PADI1: variants seen among roughly 807,000 people sequenced by gnomAD.
PADI1 encodes the protein protein-arginine deiminase type-1.
Under a neutral mutation model 74.8 loss-of-function variants are expected in PADI1, and 65 were observed. The observed-to-expected ratio is 0.87, with a 90% CI of 0.71 to 1.07. The LOEUF (loss-of-function observed/expected upper bound fraction) is 1.07. Among genes scored for constraint, PADI1 ranks in the 50% least tolerant of loss-of-function variants. PADI1 has a pLI of 0.00. For missense variants in PADI1, 943 were observed against 854.0 expected, an observed-to-expected ratio of 1.10 and a Z score of -1.30; for synonymous variants, 371 against 336.2, an observed-to-expected ratio of 1.10 and a Z score of -1.13.
In PADI1 at chr1:17,230,257, G is replaced by A. The variant is rs201324716; in HGVS notation, c.1053+49G>A. On this transcript the variant is annotated intron_variant, in intron 9 of 15. Transcript: ENST00000375471. ...AAGCCTGCAGCCTGGCTTGGGGAAA[G>A]GGAAGCCGCACAGGTGCCTGATGGA... The A allele has an allele frequency of 3.8e-4, 599 of 1,591,666 alleles. 1 individual carries two copies. The highest frequency in any genetic ancestry group is 2.5e-3 in the Middle Eastern group (15 of 5,908).
intron 15 of PADI1, among the ~76,000 whole-genome samples, chr1:17,241,162 C>A (rs1174248115): frequency 6.6e-6 from 1 of 152,244 alleles, no homozygotes; most frequent in African/African-American, 2.4e-5. Flanking sequence ...CAGCCCCTCG[C>A]TTGCTGCTCC....
intron 4 of PADI1, among the ~76,000 whole-genome samples, chr1:17,225,569 G>T (rs2072284388): frequency 6.6e-6 from 1 of 152,092 alleles, no homozygotes; most frequent in African/African-American, 2.4e-5. Flanking sequence ...TGCTTCTCCA[G>T]TGTGATGGCT....
rs758677258 is a variant in PADI1 at position 17,244,322 on chromosome 1, C to A, written c.*79C>A. 3 of 1,063,646 alleles carry A rather than the reference C, an allele frequency of 2.8e-6. No homozygotes were observed. The highest frequency in any genetic ancestry group is 2.9e-6 in the Non-Finnish European group (2 of 682,918). 65.9% of individuals were successfully genotyped at this position (1,063,646 alleles called of 1,614,324 possible). ...GTGAAGGCAAGGAACAACCACCTGG[C>A]CTCCATTCTCTTGGGGGAGTCTTGG... On this transcript the variant is annotated 3_prime_UTR_variant, in exon 16 of 16. Coordinates refer to ENST00000375471, the MANE Select transcript of PADI1 (RefSeq NM_013358.3).
chr1:17,210,761 A>T (rs1351105754), intron 1 of PADI1, among the ~76,000 whole-genome samples: 1 of 152,190 alleles, frequency 6.6e-6, no homozygotes, highest in African/African-American at 2.4e-5. Flanking sequence ...AACCTCCAGC[A>T]GCCCCAGCCA....
rs571930163 is a variant in PADI1, at chr1:17,232,875, T to C, written c.1218T>C (p.Leu406=). The C allele has an allele frequency of 1.5e-5, 25 of 1,613,678 alleles. No individual in the cohort carries two copies. Among genetic ancestry groups the C allele is most frequent in the Non-Finnish European group, 1.9e-5 (23 of 1,179,976 alleles). Residue 406 remains leucine (L), a synonymous_variant, in exon 11 of 16, where the codon CTT becomes CTC. Coordinates refer to ENST00000375471, the MANE Select transcript of PADI1 (RefSeq NM_013358.3). The part of the protein sequence containing the change: ...REIPLPGPSS[L]DSFGNLDVSP... The stretch of plus-strand genomic sequence containing the variant: ...TCCCGCTCCCTGGTCCCTCCAGCCT[T>C]GACTCCTTCGGCAACCTGGACGTCA...
chr1:17,210,584 T>C lies in PADI1; in HGVS notation c.92+5275T>C, dbSNP rs113321696. Among the ~76,000 whole-genome samples, 550 of 152,164 alleles carry C rather than the reference T, an allele frequency of 3.6e-3. 3 individuals carry two copies. The highest frequency in any genetic ancestry group is 8.6e-3 in the African/African-American group (356 of 41,538). On this transcript the variant is annotated intron_variant, in intron 1 of 15. Coordinates refer to ENST00000375471, the MANE Select transcript of PADI1 (RefSeq NM_013358.3). ...GCCTGCGCCCTCAGCCTGGGCTCTC[T>C]GGGCGTGCCCCTCCCCAAGCAATGA...
In PADI1 at chr1:17,228,676, C is replaced by T. The variant is rs536659144; in HGVS notation, c.704C>T (p.Ser235Phe). ...YKQVLGPQCL[S>F]YEVERQPGEQ... ...CAGGTGCTGGGGCCCCAGTGTCTGT[C>T]CTATGAAGTTGAGCGACAGCCAGGG... Residue 235 changes from serine to phenylalanine, a missense_variant, in exon 7 of 16, where the codon TCC becomes TTC. Physicochemically the swap from Ser to Phe is radical, Grantham distance 155. Transcript: ENST00000375471. The T allele has an allele frequency of 5.5e-5, 88 of 1,614,164 alleles. 1 individual carries two copies. In the South Asian group the frequency reaches 9.3e-4, roughly 17 times the overall value.
chr1:17,206,621 G>C (rs1273175268), intron 1 of PADI1, among the ~76,000 whole-genome samples: 1 of 151,986 alleles, frequency 6.6e-6, no homozygotes, highest in Non-Finnish European at 1.5e-5. Flanking sequence ...ATATTGCATG[G>C]GAGATATTTC....
chr1:17,214,255 C>T (rs1488440378), intron 1 of PADI1, among the ~76,000 whole-genome samples: 1 of 152,140 alleles, frequency 6.6e-6, no homozygotes, highest in Non-Finnish European at 1.5e-5. Context: ...AGTTGGAGGC[C>T]ATGCTCCACA....
At chr1:17,235,749 G>A (rs1043766523) in intron 11 of PADI1, among the ~76,000 whole-genome samples, 2 of 152,102 alleles carry the variant, frequency 1.3e-5, no homozygotes, top group Non-Finnish European at 2.9e-5. Flanking sequence ...CTCTGTCCCA[G>A]GCTCCTGCCC....
rs1469094359 is a variant in PADI1 at position 17,212,997 on chromosome 1, C to T, written c.92+7688C>T. ...GCTCGAATTGCACACTCTCTCAACA[C>T]ATTCCTGTTTCCTTCCGACATCCCT... On this transcript the variant is annotated intron_variant, in intron 1 of 15. Coordinates refer to ENST00000375471, the MANE Select transcript of PADI1 (RefSeq NM_013358.3). Among the ~76,000 whole-genome samples, 4 of 152,264 alleles carry T rather than the reference C, an allele frequency of 2.6e-5. No individual in the cohort carries two copies. The East Asian group carries it at 7.7e-4, about 29-fold the overall frequency.
At chr1:17,234,918 A>T (rs774198378) in intron 11 of PADI1, among the ~76,000 whole-genome samples, 7 of 152,026 alleles carry the variant, frequency 4.6e-5, no homozygotes, top group Non-Finnish European at 1.0e-4. Context: ...GGAGTTTGGG[A>T]CCAGCCTGGC....
At chr1:17,232,707 G>A (rs2100496449) in intron 10 of PADI1, 112 bp from the exon 11 acceptor site, 2 of 868,718 alleles carry the variant, frequency 2.3e-6, no homozygotes, top group Non-Finnish European at 3.4e-6. Flanking sequence ...CAGGTACTAA[G>A]AGCCATGGAG....
chr1:17,206,383 C>T (rs544118509), intron 1 of PADI1, among the ~76,000 whole-genome samples: 10 of 152,212 alleles, frequency 6.6e-5, no homozygotes, highest in East Asian at 3.9e-4. Context: ...TCTGTGACCC[C>T]GGTGGCAGGG....
Position 17,240,779 on chromosome 1 carries a change from G to C in PADI1, c.1758+19G>C. 1 of 1,611,556 alleles carries C rather than the reference G, an allele frequency of 6.2e-7. No individual in the cohort carries two copies. Among genetic ancestry groups the C allele is most frequent in the Non-Finnish European group, 8.5e-7 (1 of 1,178,378 alleles). On this transcript the variant is annotated intron_variant, in intron 15 of 15. Coordinates refer to ENST00000375471, the MANE Select transcript of PADI1 (RefSeq NM_013358.3). ...AGACATGGTGAGAGCCCTTGTGCAG[G>C]GTCCTGCTGGGGGGTCTGCGGGGCT...
At chr1:17,231,400 G>A (rs974891047) in intron 10 of PADI1, among the ~76,000 whole-genome samples, 6 of 152,158 alleles carry the variant, frequency 3.9e-5, no homozygotes, top group African/African-American at 1.2e-4. Flanking sequence ...ACTACCCCTC[G>A]AGGTGAGTCC....
At chr1:17,223,298 T>A (rs1183237307) in intron 2 of PADI1, among the ~76,000 whole-genome samples, 1 of 152,128 alleles carries the variant, frequency 6.6e-6, no homozygotes, top group East Asian at 1.9e-4. Flanking sequence ...CTTGCCTAAG[T>A]CGATGGAGCC....
intron 11 of PADI1, among the ~76,000 whole-genome samples, chr1:17,233,223 A>C (rs1425506945): frequency 6.6e-6 from 1 of 152,218 alleles, no homozygotes; most frequent in African/African-American, 2.4e-5. Context: ...ATGAGTCACC[A>C]ACATAAACAG....
chr1:17,206,668 C>CT (rs1172069054), intron 1 of PADI1, among the ~76,000 whole-genome samples: 4 of 127,786 alleles, frequency 3.1e-5, no homozygotes, highest in Non-Finnish European at 6.6e-5. Context: ...AAGCTGAAGT[C>CT]TTTTTTTTCT....
Sources: gnomAD v4.1 joint callset for allele counts (sites outside exome capture counted in the v4.1 genomes callset) on GRCh38, gnomAD v4.1.1 for gene constraint, MANE v1.5 for transcripts, NCBI Gene and HGNC (gene_info 2026-07-23, HGNC 2026-07-21) for gene names.